The following ATXN8OS variants were observed in gnomAD, a reference collection of about 807,000 sequenced individuals.
ATXN8OS encodes ATXN8 opposite strand (non-protein coding).
At chr13:70,109,727 A>G (rs1380318174) in intron 1 of ATXN8OS, among the ~76,000 whole-genome samples, 3 of 152,190 alleles carry the variant, frequency 2.0e-5, no homozygotes, top group Non-Finnish European at 4.4e-5. Flanking sequence ...AAAACCCTTT[A>G]AAGCCAACAA....
At chr13:70,148,267 G>A (rs1240152750) in intron 4 of ATXN8OS, among the ~76,000 whole-genome samples, 1 of 152,156 alleles carries the variant, frequency 6.6e-6, no homozygotes, top group Non-Finnish European at 1.5e-5. Context: ...TGGCTTTGCA[G>A]GGCCATTTCA....
Position 70,147,722 on chromosome 13 carries a change from A to G in ATXN8OS, n.573+294A>G, listed in dbSNP as rs75025853. On this transcript the variant is annotated intron_variant and non_coding_transcript_variant, in intron 4 of 4. Coordinates refer to ENST00000678624, the Ensembl canonical transcript of ATXN8OS. ...ATCTGAGACAGGTCTCTACCAAGTT[A>G]GAGGTTTATTTTGCCAAGGTTAAGG... Among the ~76,000 whole-genome samples, 1,192 of 152,254 alleles carry G rather than the reference A, an allele frequency of 7.8e-3. 13 individuals carry two copies. Among genetic ancestry groups the G allele is most frequent in the African/African-American group, 0.027 (1,139 of 41,564 alleles).
chr13:70,109,034 C>T (rs991220920), intron 1 of ATXN8OS, among the ~76,000 whole-genome samples: 3 of 152,118 alleles, frequency 2.0e-5, no homozygotes, highest in African/African-American at 7.2e-5. Flanking sequence ...GGAATGAAAG[C>T]TGTTATCAGT....
rs566444689 is a variant in ATXN8OS, at chr13:70,152,845, T to C, written n.573+5417T>C. Reference sequence around the variant, plus strand: ...TCATTTATTTTTCCCAGCAGCATAGTAGTCCGTTTTATATGGAGTCAAAGG... The same window carrying C: ...TCATTTATTTTTCCCAGCAGCATAGCAGTCCGTTTTATATGGAGTCAAAGG... On this transcript the variant is annotated intron_variant and non_coding_transcript_variant, in intron 4 of 4. Transcript: ENST00000678624. 5.7e-4 allele frequency among the ~76,000 whole-genome samples: 86 copies of C among 152,210 alleles called. No individual in the cohort carries two copies. In the South Asian group the frequency reaches 0.018, roughly 31 times the overall value.
chr13:70,120,451 A>G (rs1273483700), intron 2 of ATXN8OS, among the ~76,000 whole-genome samples: 6 of 152,164 alleles, frequency 3.9e-5, no homozygotes, highest in Non-Finnish European at 8.8e-5. Flanking sequence ...GACTATTAGG[A>G]GGAGGCCATC....
intron 2 of ATXN8OS, among the ~76,000 whole-genome samples, chr13:70,125,015 A>G (rs1448280937): frequency 6.6e-6 from 1 of 150,406 alleles, no homozygotes; most frequent in Non-Finnish European, 1.5e-5. Flanking sequence ...GTTTGGTTTC[A>G]GCTCTTTTTA....
upstream of ATXN8OS, chr13:70,107,728 C>G: frequency 1.3e-6 from 2 of 1,488,920 alleles, no homozygotes; most frequent in Non-Finnish European, 1.8e-6. Context: ...AAAAGGCTGG[C>G]AGCTCACGCA....
chr13:70,125,900 G>A (rs1205260549), intron 2 of ATXN8OS, among the ~76,000 whole-genome samples: 3 of 152,002 alleles, frequency 2.0e-5, no homozygotes, highest in Admixed American at 6.6e-5. Context: ...CCCCACCACC[G>A]GGGGTTGTGG....
intron 4 of ATXN8OS, among the ~76,000 whole-genome samples, chr13:70,168,443 A>T (rs1356353478): frequency 6.6e-6 from 1 of 152,058 alleles, no homozygotes; most frequent in Non-Finnish European, 1.5e-5. Context: ...CTACTCTGCT[A>T]TCAAACATTA....
chr13:70,123,844 G>A (rs551369932), intron 2 of ATXN8OS, among the ~76,000 whole-genome samples: 1 of 152,090 alleles, frequency 6.6e-6, no homozygotes, highest in South Asian at 2.1e-4. Flanking sequence ...TTTAAGATCA[G>A]AATATATAAA....
chr13:70,144,162 C>T (rs969673941), intron 3 of ATXN8OS, among the ~76,000 whole-genome samples: 1 of 152,010 alleles, frequency 6.6e-6, no homozygotes, highest in Admixed American at 6.6e-5. Flanking sequence ...AAATATTTGT[C>T]TGTGTGGCTT....
intron 4 of ATXN8OS, among the ~76,000 whole-genome samples, chr13:70,165,299 G>C (rs753601132): frequency 6.6e-6 from 1 of 151,752 alleles, no homozygotes; most frequent in Non-Finnish European, 1.5e-5. Context: ...AGATATGTTA[G>C]ACTAGGAGAA....
chr13:70,168,919 T>G lies in ATXN8OS; in HGVS notation n.574-834T>G, dbSNP rs551946636. Among the ~76,000 whole-genome samples the G allele has an allele frequency of 2.2e-4, 33 of 152,294 alleles. 2 individuals are homozygous for G. In the South Asian group the frequency reaches 6.8e-3, roughly 32 times the overall value. On this transcript the variant is annotated intron_variant and non_coding_transcript_variant, in intron 4 of 4. Transcript: ENST00000678624. ...CACTGTTCTTTTGTATGTTTTTGCATTATAGTTTCAATTACATTGACTATC... is the reference window on the plus strand; with the variant it reads ...CACTGTTCTTTTGTATGTTTTTGCAGTATAGTTTCAATTACATTGACTATC...
At chr13:70,138,249 T>C (rs1196603019) in intron 3 of ATXN8OS, among the ~76,000 whole-genome samples, 7 of 152,122 alleles carry the variant, frequency 4.6e-5, no homozygotes, top group Non-Finnish European at 7.4e-5. Context: ...TTAAATTTAA[T>C]TCAGTTACTT....
At chr13:70,154,595 A>T (rs1268144928) in intron 4 of ATXN8OS, among the ~76,000 whole-genome samples, 2 of 152,228 alleles carry the variant, frequency 1.3e-5, no homozygotes, top group East Asian at 3.9e-4. Context: ...GTCCTGTATT[A>T]GGCTGACTTG....
chr13:70,153,014 CTGTGTGTGTGTG>C (rs66574752), intron 4 of ATXN8OS, among the ~76,000 whole-genome samples: 13 of 141,782 alleles, frequency 9.2e-5, no homozygotes, highest in South Asian at 2.3e-4. Context: ...TAAGAAAAAA[CTGTGTGTGTGTG>C]TGTGTGTGTG....
intron 4 of ATXN8OS, among the ~76,000 whole-genome samples, chr13:70,167,920 T>G (rs906005485): frequency 1.3e-5 from 2 of 151,812 alleles, no homozygotes; most frequent in African/African-American, 4.8e-5. Flanking sequence ...GTATTTTTAA[T>G]AGAGACGGGG....
At chr13:70,145,983 A>G (rs215028) in intron 3 of ATXN8OS, among the ~76,000 whole-genome samples, 64 of 135,460 alleles carry the variant, frequency 4.7e-4, no homozygotes, top group Non-Finnish European at 3.2e-4. Flanking sequence ...GCAACCTACA[A>G]AATGGGAGAA....
intron 2 of ATXN8OS, among the ~76,000 whole-genome samples, chr13:70,128,510 A>G (rs1341009634): frequency 6.6e-6 from 1 of 151,958 alleles, no homozygotes; most frequent in Non-Finnish European, 1.5e-5. Context: ...TAGAGGTAGC[A>G]TTAAGATGAG....
Sources: allele counts gnomAD v4.1 joint callset (sites outside exome capture counted in the v4.1 genomes callset), GRCh38; gene constraint gnomAD v4.1.1; transcripts MANE v1.5; gene names NCBI Gene and HGNC (gene_info 2026-07-23, HGNC 2026-07-21).